NAALADL2: variants seen among roughly 807,000 people sequenced by gnomAD.
NAALADL2 encodes the protein inactive N-acetylated-alpha-linked acidic dipeptidase-like protein 2.
A neutral mutation model predicts 87.2 loss-of-function variants in NAALADL2; 76 were observed. That is an observed-to-expected ratio of 0.87 (90% CI 0.72 to 1.05). NAALADL2 has a LOEUF of 1.05. Ranked by LOEUF, NAALADL2 falls within the 50% of genes least tolerant of loss-of-function variation. The pLI is 0.00. For missense variants in NAALADL2, 1,089 were observed against 945.8 expected, an observed-to-expected ratio of 1.15 and a Z score of -1.99; for synonymous variants, 354 against 331.0, an observed-to-expected ratio of 1.07 and a Z score of -0.75.
intron 9 of NAALADL2, 62 bp from the exon 10 acceptor site, chr3:175,575,979 A>C: frequency 7.3e-7 from 1 of 1,377,392 alleles, no homozygotes; most frequent in Middle Eastern, 2.4e-4. Context: ...TTTGAGTAGC[A>C]CTGATCTAGG....
At chr3:175,093,414 T>TATA (rs1553771396) in intron 1 of NAALADL2, among the ~76,000 whole-genome samples, 4,901 of 117,686 alleles carry the variant, frequency 0.042, 123 homozygotes, top group Non-Finnish European at 0.056. Context: ...CATTTTATTT[T>TATA]TTTATATATA....
At chr3:175,079,997 T>G (rs912053793) in intron 1 of NAALADL2, among the ~76,000 whole-genome samples, 2 of 150,750 alleles carry the variant, frequency 1.3e-5, no homozygotes, top group African/African-American at 5.0e-5. Flanking sequence ...ATGGAGTCTC[T>G]CTTTGTCACC....
intron 4 of NAALADL2, among the ~76,000 whole-genome samples, chr3:175,302,513 T>C (rs1483072697): frequency 6.6e-6 from 1 of 152,136 alleles, no homozygotes; most frequent in Non-Finnish European, 1.5e-5. Flanking sequence ...GAAATGCAAA[T>C]AGTACATTCA....
intron 11 of NAALADL2, among the ~76,000 whole-genome samples, chr3:175,706,164 G>A (rs1041715855): frequency 6.6e-6 from 1 of 152,042 alleles, no homozygotes; most frequent in Non-Finnish European, 1.5e-5. Flanking sequence ...AGAGTTTCTT[G>A]TTCTCAAGGG....
At chr3:174,534,745 G>C (rs1022566584) in intron 1 of NAALADL2, among the ~76,000 whole-genome samples, 4 of 152,132 alleles carry the variant, frequency 2.6e-5, no homozygotes, top group Non-Finnish European at 5.9e-5. Flanking sequence ...TCTTAAACCT[G>C]TGCATACAGT....
intron 2 of NAALADL2, among the ~76,000 whole-genome samples, chr3:175,148,267 C>G (rs558500172): frequency 2.6e-4 from 39 of 151,610 alleles, no homozygotes; most frequent in African/African-American, 9.2e-4. Context: ...AGTGTCTGCT[C>G]ATTTTTTGCC....
intron 3 of NAALADL2, among the ~76,000 whole-genome samples, chr3:174,821,481 T>C (rs546993497): frequency 6.6e-6 from 1 of 152,300 alleles, no homozygotes; most frequent in East Asian, 1.9e-4. Flanking sequence ...AGTTTTATTA[T>C]ATATATTGTT....
At chr3:175,124,294 G>A (rs1726594752) in intron 2 of NAALADL2, 1 of 151,978 alleles carries the variant, frequency 6.6e-6, no homozygotes, top group African/African-American at 2.4e-5. Context: ...AATAAAACAA[G>A]ATGTTTGGAG....
At chr3:174,773,153 A>C (rs1714790602) in intron 3 of NAALADL2, among the ~76,000 whole-genome samples, 1 of 152,166 alleles carries the variant, frequency 6.6e-6, no homozygotes, top group African/African-American at 2.4e-5. Context: ...GGAAAGAAGG[A>C]TGGGTCTTGA....
chr3:175,021,116 T>C (rs937318625), intron 1 of NAALADL2, among the ~76,000 whole-genome samples: 1 of 152,022 alleles, frequency 6.6e-6, no homozygotes, highest in African/African-American at 2.4e-5. Flanking sequence ...CAGAATTCCC[T>C]GAAAGTGAAA....
At chr3:175,262,551 CA>C (rs1348387075) in intron 4 of NAALADL2, among the ~76,000 whole-genome samples, 1 of 147,102 alleles carries the variant, frequency 6.8e-6, no homozygotes, top group African/African-American at 2.5e-5. Flanking sequence ...CAATATTTAA[CA>C]GATAAAATAT....
At chr3:174,473,459 A>T (rs1352420934) in intron 1 of NAALADL2, among the ~76,000 whole-genome samples, 2 of 152,138 alleles carry the variant, frequency 1.3e-5, no homozygotes, top group Non-Finnish European at 2.9e-5. Flanking sequence ...CCTTCCTGTG[A>T]ATGCCCCTTA....
chr3:175,473,535 A>ATT, intron 9 of NAALADL2, among the ~76,000 whole-genome samples: 1 of 152,090 alleles, frequency 6.6e-6, no homozygotes, highest in African/African-American at 2.4e-5. Context: ...TTATATATAT[A>ATT]TGTCTAATTT....
chr3:175,650,949 T>A (rs765140248), intron 11 of NAALADL2, among the ~76,000 whole-genome samples: 5 of 152,212 alleles, frequency 3.3e-5, no homozygotes, highest in Admixed American at 6.5e-5. Flanking sequence ...CGAAGTTACA[T>A]AACTTCTCTG....
intron 12 of NAALADL2, among the ~76,000 whole-genome samples, chr3:175,750,630 A>G (rs1397906418): frequency 6.6e-6 from 1 of 152,294 alleles, no homozygotes; most frequent in East Asian, 1.9e-4. Context: ...TTTAATGTAG[A>G]TAACATCCCA....
At chr3:174,605,505 A>C (rs1363848792) in intron 2 of NAALADL2, among the ~76,000 whole-genome samples, 1 of 148,552 alleles carries the variant, frequency 6.7e-6, no homozygotes, top group Admixed American at 6.7e-5. Flanking sequence ...ACGGTGCACC[A>C]GGAGATTATA....
At chr3:175,330,084 ACAAT>A (rs1213975229) in intron 5 of NAALADL2, among the ~76,000 whole-genome samples, 1 of 152,188 alleles carries the variant, frequency 6.6e-6, no homozygotes, top group Non-Finnish European at 1.5e-5. Flanking sequence ...ATCAATAGAG[ACAAT>A]CAGTTTGTTT....
intron 11 of NAALADL2, among the ~76,000 whole-genome samples, chr3:175,647,142 C>T (rs986848851): frequency 6.6e-6 from 1 of 152,060 alleles, no homozygotes; most frequent in African/African-American, 2.4e-5. Context: ...TTCACCAAAG[C>T]GAGTCATATG....
chr3:175,417,393 GT>G (rs893574239), intron 5 of NAALADL2, among the ~76,000 whole-genome samples: 122 of 152,060 alleles, frequency 8.0e-4, no homozygotes, highest in African/African-American at 2.8e-3. Context: ...GTAGTAAAGT[GT>G]TTTGCATTTA....
Sources: gnomAD v4.1 joint callset for allele counts (sites outside exome capture counted in the v4.1 genomes callset) on GRCh38, gnomAD v4.1.1 for gene constraint, MANE v1.5 for transcripts, NCBI Gene and HGNC (gene_info 2026-07-23, HGNC 2026-07-21) for gene names.